PCDH19: variants seen among roughly 807,000 people sequenced by gnomAD.
PCDH19 encodes the protein protocadherin-19.
PCDH19 carries 6 observed loss-of-function variants against 46.2 expected under a neutral mutation model. That is an observed-to-expected ratio of 0.13 (90% confidence interval 0.07 to 0.26). PCDH19 has a LOEUF of 0.26. Ranked by LOEUF, PCDH19 falls within the 10% of genes least tolerant of loss-of-function variation. The pLI is 1.00. For missense variants in PCDH19, 740 were observed against 972.3 expected (o/e 0.76, Z 3.18); for synonymous variants, 481 against 415.7 (o/e 1.16, Z -1.91).
chrX:100,296,117 G>C lies in PCDH19; in HGVS notation c.*160C>G. ...ACACCCCTGCTGCCTGTTGAAACAA[G>C]GGACTGTCACAGAATGATAATCACC... On this transcript the variant is annotated 3_prime_UTR_variant, in exon 6 of 6. Transcript: ENST00000373034. 2 of 499,827 alleles carry C rather than the reference G, an allele frequency of 4.0e-6. No individual in the cohort carries two copies. Among genetic ancestry groups the C allele is most frequent in the Non-Finnish European group, 6.9e-6 (2 of 288,014 alleles). 41.2% of individuals were successfully genotyped at this position (499,827 alleles called of 1,213,427 possible). A position where few individuals can be genotyped will look rare whatever the true frequency, so the allele number is the denominator to read the frequency against.
chrX:100,309,308 C>T (rs1325643648), intron 5 of PCDH19, among the ~76,000 whole-genome samples: 7 of 111,245 alleles, frequency 6.3e-5, no homozygotes, highest in Admixed American at 5.7e-4. Context: ...TATGTGTTCT[C>T]GCTAATAAGT....
intron 3 of PCDH19, among the ~76,000 whole-genome samples, chrX:100,363,397 CTG>C (rs957136345): frequency 1.9e-5 from 2 of 107,692 alleles, no homozygotes; most frequent in Non-Finnish European, 3.8e-5. Context: ...CTTTCCAAAA[CTG>C]TGAATCACCA....
At position 100,407,956 on chromosome X, in the gene PCDH19, G is replaced by T. The variant is rs1182894183; in HGVS notation, c.642C>A (p.Gly214=). The T allele has an allele frequency of 4.1e-6, 5 of 1,209,523 alleles. No individual in the cohort carries two copies. The highest frequency in any genetic ancestry group is 5.6e-6 in the Non-Finnish European group (5 of 895,608). ...CAACGGTGCCCAGGCGCGGCGGGTC[G>T]CCACCGTCTAGCGCAGTGATTCGGA... ...YSFRITALDG[G]DPPRLGTVGL... The change falls in exon 1 of 6, where the codon GGC becomes GGA. Residue 214 remains glycine (G), a synonymous_variant. Transcript: ENST00000373034.
chrX:100,355,815 T>G (rs759354960), intron 3 of PCDH19, among the ~76,000 whole-genome samples: 7 of 111,552 alleles, frequency 6.3e-5, no homozygotes, highest in Non-Finnish European at 1.3e-4. Flanking sequence ...CGTTAGTAAG[T>G]CTGGCATATC....
At chrX:100,372,766 A>G (rs1308391751) in intron 3 of PCDH19, among the ~76,000 whole-genome samples, 2 of 112,287 alleles carry the variant, frequency 1.8e-5, no homozygotes, top group South Asian at 7.5e-4. Context: ...CTGGTGTAGA[A>G]GAAAGGAGAC....
intron 3 of PCDH19, among the ~76,000 whole-genome samples, chrX:100,378,923 C>G (rs191929500): frequency 8.9e-6 from 1 of 111,763 alleles, no homozygotes; most frequent in Non-Finnish European, 1.9e-5. Context: ...CTGCCTCTCA[C>G]GTACCATTCA....
chrX:100,352,933 A>G (rs765444180), intron 3 of PCDH19, among the ~76,000 whole-genome samples: 10 of 112,526 alleles, frequency 8.9e-5, no homozygotes, highest in African/African-American at 3.2e-4. Context: ...GGAATTGATT[A>G]AGCACTCAGC....
At chrX:100,315,398 A>G (rs911372128) in intron 5 of PCDH19, among the ~76,000 whole-genome samples, 1 of 112,521 alleles carries the variant, frequency 8.9e-6, no homozygotes, top group African/African-American at 3.2e-5. Flanking sequence ...TCACTAAACC[A>G]TTCAACTATT....
chrX:100,304,297 G>A (rs751675158), intron 5 of PCDH19, among the ~76,000 whole-genome samples: 3 of 111,318 alleles, frequency 2.7e-5, no homozygotes, highest in South Asian at 3.9e-4. Context: ...GCTCCACTGG[G>A]TGGCTACACC....
At chrX:100,364,419 A>G (rs1432103046) in intron 3 of PCDH19, among the ~76,000 whole-genome samples, 1 of 111,713 alleles carries the variant, frequency 9.0e-6, no homozygotes, top group Non-Finnish European at 1.9e-5. Context: ...GCCACATTCC[A>G]AGTGCTCAGT....
chrX:100,309,154 G>GCACACACACACACAAACA (rs1555973959), intron 5 of PCDH19, among the ~76,000 whole-genome samples: 1 of 81,769 alleles, frequency 1.2e-5, no homozygotes, highest in African/African-American at 4.5e-5. Flanking sequence ...TGTGATGCAT[G>GCACACACACACACAAACA]CACACACACA....
At chrX:100,406,126 T>C (rs1166464980) in intron 1 of PCDH19, among the ~76,000 whole-genome samples, 1 of 110,666 alleles carries the variant, frequency 9.0e-6, no homozygotes, top group Non-Finnish European at 1.9e-5. Flanking sequence ...TCTCTCTCTC[T>C]CCCCCTCCCT....
intron 5 of PCDH19, among the ~76,000 whole-genome samples, chrX:100,333,684 G>A (rs1925989733): frequency 9.0e-6 from 1 of 111,492 alleles, no homozygotes; most frequent in African/African-American, 3.3e-5. Flanking sequence ...AACTAATCAA[G>A]AAAAGCTTTG....
intron 5 of PCDH19, among the ~76,000 whole-genome samples, chrX:100,320,272 C>A (rs1157516493): frequency 9.0e-6 from 1 of 111,431 alleles, no homozygotes; most frequent in Admixed American, 9.6e-5. Flanking sequence ...CAATAATAAG[C>A]ACCTATAAGT....
intron 3 of PCDH19, among the ~76,000 whole-genome samples, chrX:100,367,689 C>G (rs1927105880): frequency 9.0e-6 from 1 of 111,636 alleles, no homozygotes; most frequent in Non-Finnish European, 1.9e-5. Flanking sequence ...TTAATCACCT[C>G]TTAAAGGCTC....
At chrX:100,350,450 T>C (rs1354841635) in intron 4 of PCDH19, among the ~76,000 whole-genome samples, 196 bp downstream of exon 4, 3 of 112,178 alleles carry the variant, frequency 2.7e-5, no homozygotes, top group Non-Finnish European at 3.8e-5. Context: ...AGTGATTACC[T>C]TTGGTTGATG....
intron 3 of PCDH19, among the ~76,000 whole-genome samples, chrX:100,373,166 G>A (rs1033400205): frequency 1.8e-5 from 2 of 112,189 alleles, no homozygotes; most frequent in East Asian, 2.8e-4. Flanking sequence ...GTGCCACCAC[G>A]CCCAGCTAAT....
chrX:100,357,390 T>C (rs1221832320), intron 3 of PCDH19, among the ~76,000 whole-genome samples: 1 of 112,064 alleles, frequency 8.9e-6, no homozygotes, highest in Non-Finnish European at 1.9e-5. Flanking sequence ...TCAAATAGGT[T>C]ATACAATTCA....
intron 3 of PCDH19, among the ~76,000 whole-genome samples, chrX:100,351,979 G>A (rs1316832054): frequency 1.8e-5 from 2 of 112,279 alleles, no homozygotes; most frequent in Non-Finnish European, 3.8e-5. Context: ...GTGAGAGAGA[G>A]GAGGAGACAG....
Sources: allele counts gnomAD v4.1 joint callset (sites outside exome capture counted in the v4.1 genomes callset), GRCh38; gene constraint gnomAD v4.1.1; transcripts MANE v1.5; gene names NCBI Gene and HGNC (gene_info 2026-07-23, HGNC 2026-07-21).